Variants in GRM1 observed in about 807,000 individuals in gnomAD.
GRM1 encodes metabotropic glutamate receptor 1.
A neutral mutation model predicts 90.9 loss-of-function variants in GRM1; 33 were observed. The observed-to-expected ratio is 0.36, with a 90% CI of 0.28 to 0.49. GRM1 has a LOEUF of 0.49. Ranked by LOEUF, GRM1 falls within the 20% of genes least tolerant of loss-of-function variation. The pLI, the probability that GRM1 is intolerant of heterozygous loss-of-function variation, is 0.99. For synonymous variants in GRM1, 700 were observed against 613.2 expected (o/e 1.14, Z -2.09); for missense variants, 1,190 against 1,534.3 (o/e 0.78, Z 3.75).
At chr6:146,098,104 C>T (rs967870688) in intron 1 of GRM1, among the ~76,000 whole-genome samples, 5 of 152,012 alleles carry the variant, frequency 3.3e-5, no homozygotes, top group African/African-American at 4.8e-5. Flanking sequence ...TTCAATGAAA[C>T]GGAATGATTA....
At chr6:146,158,610 A>T (rs1777603157) in intron 1 of GRM1, among the ~76,000 whole-genome samples, 1 of 152,218 alleles carries the variant, frequency 6.6e-6, no homozygotes, top group South Asian at 2.1e-4. Flanking sequence ...ATAGAGACAC[A>T]GAGGCTCATA....
intron 7 of GRM1, among the ~76,000 whole-genome samples, chr6:146,431,494 A>G (rs1459372117): frequency 6.6e-6 from 1 of 152,154 alleles, no homozygotes; most frequent in Non-Finnish European, 1.5e-5. Flanking sequence ...CCTTTTTGCT[A>G]TTATGTGTAG....
At position 146,434,489 on chromosome 6, in the gene GRM1, C is replaced by T. The variant is rs765481825; in HGVS notation, c.3278C>T (p.Pro1093Leu). 2 of 1,614,086 alleles carry T rather than the reference C, an allele frequency of 1.2e-6. No homozygotes were observed. Among genetic ancestry groups the T allele is most frequent in the South Asian group, 2.2e-5 (2 of 91,090 alleles). Residue 1093 changes from proline to leucine, a missense_variant, in exon 8 of 8, where the codon CCC becomes CTC. Physicochemically the swap from Pro to Leu is moderately conservative, Grantham distance 98. Around this residue, in one of 10 missense-constraint regions of GRM1, gnomAD observed 400 missense variants for 360.8 expected, o/e 1.11. Transcript: ENST00000282753. ...STFGEELVSP[P>L]ADDDDDSERF... ...TTTGGGGAGGAGCTGGTCTCCCCGCCCGCGGACGACGACGACGACAGCGAG... is the reference window on the plus strand; with the variant it reads ...TTTGGGGAGGAGCTGGTCTCCCCGCTCGCGGACGACGACGACGACAGCGAG...
At chr6:146,364,050 A>G (rs1775589359) in intron 5 of GRM1, among the ~76,000 whole-genome samples, 1 of 152,228 alleles carries the variant, frequency 6.6e-6, no homozygotes, top group Non-Finnish European at 1.5e-5. Context: ...CACTGAATCC[A>G]AGTAGCTCAT....
chr6:146,030,008 C>G lies in GRM1; in HGVS notation c.491C>G (p.Ser164Cys). ...KPIAGVIGPG[S>C]SSVAIQVQNL... The stretch of plus-strand genomic sequence containing the variant: ...ATTGCGGGAGTGATCGGTCCCGGCT[C>G]CAGCTCTGTAGCCATTCAAGTGCAG... The change falls in exon 1 of 8, where the codon TCC (serine) becomes TGC (cysteine). Residue 164 changes from serine to cysteine, a missense_variant. Around this residue, in one of 10 missense-constraint regions of GRM1, gnomAD observed 46 missense variants for 116.1 expected, o/e 0.40. Coordinates refer to ENST00000282753, the MANE Select transcript of GRM1 (RefSeq NM_001278064.2). 6.2e-7 allele frequency: 1 copy of G among 1,614,100 alleles called. No individual in the cohort carries two copies. Among genetic ancestry groups the G allele is most frequent in the Non-Finnish European group, 8.5e-7 (1 of 1,179,956 alleles).
intron 2 of GRM1, among the ~76,000 whole-genome samples, chr6:146,284,330 A>G (rs1428731964): frequency 6.6e-6 from 1 of 152,250 alleles, no homozygotes; most frequent in Non-Finnish European, 1.5e-5. Flanking sequence ...ATCTTCCTTT[A>G]TAGCATAGGT....
chr6:146,092,182 A>G (rs1776736665), intron 1 of GRM1, among the ~76,000 whole-genome samples: 1 of 152,086 alleles, frequency 6.6e-6, no homozygotes. Context: ...GTATCTGGTG[A>G]AGCCCTGCTT....
chr6:146,416,499 A>C (rs897203434), intron 7 of GRM1, among the ~76,000 whole-genome samples: 4 of 152,198 alleles, frequency 2.6e-5, no homozygotes, highest in Admixed American at 6.5e-5. Context: ...ATCATGAAAC[A>C]CTTAAATTTA....
At position 146,029,505 on chromosome 6, in the gene GRM1, C is replaced by A; in HGVS notation, c.-13C>A. The A allele has an allele frequency of 6.2e-7, 1 of 1,603,088 alleles. No individual in the cohort carries two copies. Among genetic ancestry groups the A allele is most frequent in the Non-Finnish European group, 8.5e-7 (1 of 1,169,946 alleles). ...AACGCGGCTGGCAGGCTGTGGACCT[C>A]GTCCTCACCACCATGGTCGGGCTCC... On this transcript the variant is annotated 5_prime_UTR_variant, in exon 1 of 8. Transcript: ENST00000282753.
chr6:146,391,242 G>A (rs1209581210), intron 6 of GRM1, among the ~76,000 whole-genome samples: 1 of 151,990 alleles, frequency 6.6e-6, no homozygotes, highest in East Asian at 1.9e-4. Context: ...CCTAACATTT[G>A]ATTCAAAAAT....
At chr6:146,087,406 G>C (rs1187551661) in intron 1 of GRM1, among the ~76,000 whole-genome samples, 1 of 152,042 alleles carries the variant, frequency 6.6e-6, no homozygotes, top group African/African-American at 2.4e-5. Flanking sequence ...AAAATCCATA[G>C]ACATTATTCA....
At chr6:146,268,754 A>G (rs553307899) in intron 2 of GRM1, among the ~76,000 whole-genome samples, 1 of 152,248 alleles carries the variant, frequency 6.6e-6, no homozygotes, top group African/African-American at 2.4e-5. Context: ...CTCTCTTAAA[A>G]CTCATAATGC....
At chr6:146,294,053 A>G (rs934219407) in intron 2 of GRM1, among the ~76,000 whole-genome samples, 4 of 151,668 alleles carry the variant, frequency 2.6e-5, no homozygotes, top group African/African-American at 7.2e-5. Context: ...TTTTCTAAGA[A>G]CCAAGTTTTA....
intron 2 of GRM1, among the ~76,000 whole-genome samples, chr6:146,187,176 C>T (rs966791451): frequency 6.6e-6 from 1 of 152,128 alleles, no homozygotes; most frequent in Admixed American, 6.5e-5. Flanking sequence ...CTCTGAAATG[C>T]TAGTGTTTGC....
chr6:146,062,645 C>T (rs1332959038), intron 1 of GRM1, among the ~76,000 whole-genome samples: 3 of 151,762 alleles, frequency 2.0e-5, no homozygotes, highest in Non-Finnish European at 4.4e-5. Flanking sequence ...TTTATTTTCT[C>T]ATCCTTTCTA....
intron 7 of GRM1, among the ~76,000 whole-genome samples, chr6:146,416,164 T>A (rs1469940954): frequency 1.3e-5 from 2 of 152,206 alleles, no homozygotes; most frequent in Non-Finnish European, 2.9e-5. Context: ...TCAGTCAGTC[T>A]GATAATGTTT....
intron 1 of GRM1, among the ~76,000 whole-genome samples, chr6:146,154,541 G>T (rs1421247833): frequency 2.6e-5 from 4 of 152,106 alleles, no homozygotes; most frequent in Non-Finnish European, 5.9e-5. Context: ...GTTACTGAAG[G>T]TGTTTGAATT....
At chr6:146,041,731 C>T (rs112713936) in intron 1 of GRM1, among the ~76,000 whole-genome samples, 2 of 151,870 alleles carry the variant, frequency 1.3e-5, no homozygotes, top group African/African-American at 2.4e-5. Context: ...GCCTCAGCTT[C>T]GAATTCTGGG....
intron 3 of GRM1, among the ~76,000 whole-genome samples, chr6:146,315,582 C>T (rs1354545136): frequency 3.3e-5 from 5 of 152,100 alleles, no homozygotes; most frequent in African/African-American, 9.7e-5. Flanking sequence ...TTATTAAGAC[C>T]ATCGGGAAAG....
Sources: gnomAD v4.1 joint callset for allele counts (sites outside exome capture counted in the v4.1 genomes callset) on GRCh38, gnomAD v4.1.1 for gene constraint, gnomAD v4.1.1 regional missense constraint, MANE v1.5 for transcripts, NCBI Gene and HGNC (gene_info 2026-07-23, HGNC 2026-07-21) for gene names.